Variants in SLC17A1 observed in about 807,000 individuals in gnomAD.
SLC17A1 encodes the protein sodium-dependent phosphate transport protein 1.
In SLC17A1, 51 loss-of-function variants were observed where a neutral mutation model predicts 53.5. The ratio of observed to expected loss-of-function variants is 0.95; its 90% CI spans 0.76 to 1.20. SLC17A1 has a LOEUF of 1.20. Among genes scored for constraint, SLC17A1 ranks in the 50% most tolerant of loss-of-function variants. The pLI is 0.00. For synonymous variants in SLC17A1, 179 were observed against 198.8 expected (o/e 0.90, Z 0.84); for missense variants, 538 against 568.2 (o/e 0.95, Z 0.54).
chr6:25,776,942 C>G, the SLC17A1 span: 1 of 1,613,010 alleles, frequency 6.2e-7, no homozygotes. Context: ...TTGTTAACTT[C>G]TTGGATATTG....
chr6:25,747,360 G>T, the SLC17A1 span, among the ~76,000 whole-genome samples: 1 of 152,176 alleles, frequency 6.6e-6, no homozygotes, highest in Non-Finnish European at 1.5e-5. Context: ...TAAGAGCTAG[G>T]CTTAAATGCT....
At chr6:25,727,092 A>G in the SLC17A1 span, 1 of 1,614,246 alleles carries the variant, frequency 6.2e-7, no homozygotes, top group Middle Eastern at 1.6e-4. Flanking sequence ...GAAAGCTATG[A>G]GCATTATGAA....
At chr6:25,736,307 A>G in the SLC17A1 span, among the ~76,000 whole-genome samples, 1 of 152,160 alleles carries the variant, frequency 6.6e-6, no homozygotes, top group Admixed American at 6.5e-5. Context: ...AAATTTAAGC[A>G]AAATTTTCGG....
intron 3 of SLC17A1, among the ~76,000 whole-genome samples, chr6:25,825,771 T>C (rs547236155): frequency 7.9e-5 from 12 of 152,070 alleles, no homozygotes; most frequent in Non-Finnish European, 1.6e-4. Context: ...ATTCTGGTCA[T>C]GCACATGTTA....
At chr6:25,759,011 A>G in the SLC17A1 span, among the ~76,000 whole-genome samples, 4 of 152,148 alleles carry the variant, frequency 2.6e-5, no homozygotes, top group Admixed American at 2.6e-4. Context: ...GTTGTCGTTC[A>G]GTTCAAAGAA....
intron 3 of SLC17A1, among the ~76,000 whole-genome samples, chr6:25,825,726 G>C (rs56265235): frequency 6.6e-6 from 1 of 151,614 alleles, no homozygotes; most frequent in South Asian, 2.1e-4. Flanking sequence ...GCCAATTTTT[G>C]AAAAAAATAT....
At chr6:25,824,561 G>A (rs1454573263) in intron 3 of SLC17A1, among the ~76,000 whole-genome samples, 1 of 151,672 alleles carries the variant, frequency 6.6e-6, no homozygotes, top group African/African-American at 2.4e-5. Flanking sequence ...TGGGAGAGAG[G>A]AATTGGAAAT....
chr6:25,782,565 T>G (rs750386791), downstream of SLC17A1, among the ~76,000 whole-genome samples: 2 of 152,172 alleles, frequency 1.3e-5, no homozygotes, highest in Non-Finnish European at 2.9e-5. Context: ...TGTATTTGTT[T>G]TCTGAGCATC....
the SLC17A1 span, among the ~76,000 whole-genome samples, chr6:25,756,585 T>C: frequency 2.0e-5 from 3 of 152,174 alleles, no homozygotes; most frequent in African/African-American, 7.2e-5. Flanking sequence ...AACAGCACTG[T>C]CCTCCCTTCA....
At chr6:25,799,930 T>C (rs1433268311) in intron 11 of SLC17A1, among the ~76,000 whole-genome samples, 1 of 152,196 alleles carries the variant, frequency 6.6e-6, no homozygotes, top group Non-Finnish European at 1.5e-5. Flanking sequence ...GTTTTCTTCT[T>C]TTCTGAAACC....
intron 10 of SLC17A1, among the ~76,000 whole-genome samples, chr6:25,810,017 G>A (rs1764098935): frequency 6.6e-6 from 1 of 151,994 alleles, no homozygotes; most frequent in South Asian, 2.1e-4. Flanking sequence ...CATGAGGGAA[G>A]GATGGTGTCT....
chr6:25,727,210 G>C, the SLC17A1 span: 1 of 1,613,996 alleles, frequency 6.2e-7, no homozygotes, highest in Non-Finnish European at 8.5e-7. Flanking sequence ...ACAGCAGTGC[G>C]CTTGCTACTG....
At chr6:25,765,828 T>C in the SLC17A1 span, among the ~76,000 whole-genome samples, 1 of 152,066 alleles carries the variant, frequency 6.6e-6, no homozygotes, top group Non-Finnish European at 1.5e-5. Flanking sequence ...AGACAACTTA[T>C]AGAAAATAAT....
the SLC17A1 span, chr6:25,777,657 A>G: frequency 3.0e-6 from 1 of 330,310 alleles, no homozygotes; most frequent in East Asian, 5.1e-5. Flanking sequence ...TCTTGCATAA[A>G]CAATGTTGAC....
the SLC17A1 span, among the ~76,000 whole-genome samples, chr6:25,771,991 G>A: frequency 3.3e-5 from 5 of 152,016 alleles, no homozygotes; most frequent in Non-Finnish European, 7.4e-5. Flanking sequence ...CTCCAAAATC[G>A]CACCCCTAAA....
chr6:25,727,087 C>G, the SLC17A1 span: 1 of 1,614,120 alleles, frequency 6.2e-7, no homozygotes, highest in African/African-American at 1.3e-5. Flanking sequence ...TCTTCGAAAG[C>G]TATGAGCATT....
At chr6:25,726,164 C>CA in the SLC17A1 span, 6 of 1,570,710 alleles carry the variant, frequency 3.8e-6, no homozygotes, top group African/African-American at 1.4e-5. Flanking sequence ...TGGTGACTCT[C>CA]AGTCTTCTTG....
chr6:25,730,493 A>G, the SLC17A1 span, among the ~76,000 whole-genome samples: 1 of 152,180 alleles, frequency 6.6e-6, no homozygotes, highest in Admixed American at 6.5e-5. Context: ...ACCAGTGGCT[A>G]GAGTTGGGGA....
At chr6:25,770,464 TG>T in the SLC17A1 span, 1 of 1,613,926 alleles carries the variant, frequency 6.2e-7, no homozygotes, top group Non-Finnish European at 8.5e-7. Flanking sequence ...CCACCATTGC[TG>T]GATCAGGTAA....
Sources: gnomAD v4.1 joint callset for allele counts (sites outside exome capture counted in the v4.1 genomes callset) on GRCh38, gnomAD v4.1.1 for gene constraint, MANE v1.5 for transcripts, NCBI Gene and HGNC (gene_info 2026-07-23, HGNC 2026-07-21) for gene names.